The following SPATS2L variants were observed in gnomAD, a reference collection of about 807,000 sequenced individuals.
The protein encoded by SPATS2L is SPATS2-like protein.
SPATS2L carries 30 observed loss-of-function variants against 59.6 expected under a neutral mutation model. The ratio of observed to expected loss-of-function variants is 0.50; its 90% CI spans 0.38 to 0.68. The LOEUF (loss-of-function observed/expected upper bound fraction) is 0.68. Among genes scored for constraint, SPATS2L ranks in the 30% least tolerant of loss-of-function variants. The pLI is 0.00. For synonymous variants in SPATS2L, 252 were observed against 263.5 expected (o/e 0.96, Z 0.42); for missense variants, 615 against 700.0 (o/e 0.88, Z 1.37).
chr2:200,361,913 T>A (rs1019514940), intron 2 of SPATS2L, among the ~76,000 whole-genome samples: 1 of 152,152 alleles, frequency 6.6e-6, no homozygotes, highest in Admixed American at 6.6e-5. Flanking sequence ...TATACATAAG[T>A]CTTTTAGGAT....
chr2:200,462,003 T>C (rs2086272146), intron 9 of SPATS2L, among the ~76,000 whole-genome samples: 2 of 142,928 alleles, frequency 1.4e-5, no homozygotes, highest in Admixed American at 1.5e-4. Context: ...TTAAACAATC[T>C]CTTTGATTGT....
At chr2:200,416,221 A>G (rs1194408914) in intron 4 of SPATS2L, among the ~76,000 whole-genome samples, 158 bp from the exon 5 acceptor site, 1 of 151,884 alleles carries the variant, frequency 6.6e-6, no homozygotes, top group Non-Finnish European at 1.5e-5. Context: ...GAAATAAAAA[A>G]TGAAACTGGC....
intron 6 of SPATS2L, among the ~76,000 whole-genome samples, chr2:200,437,703 G>A (rs931905964): frequency 3.9e-5 from 6 of 152,116 alleles, no homozygotes; most frequent in Admixed American, 6.6e-5. Context: ...TATTCATTCA[G>A]CTCATAGAAA....
At chr2:200,419,559 C>T (rs2083221794) in intron 6 of SPATS2L, 63 bp downstream of exon 6, 1 of 1,564,716 alleles carries the variant, frequency 6.4e-7, no homozygotes. Context: ...AAAGGGAGCT[C>T]ATTGGGGCTG....
At chr2:200,378,157 A>AC in intron 2 of SPATS2L, 1 of 918,058 alleles carries the variant, frequency 1.1e-6, no homozygotes, top group Non-Finnish European at 1.3e-6. Context: ...AAGGCCACCA[A>AC]CCCCCTGCTG....
At chr2:200,314,086 A>G (rs575113180) in intron 1 of SPATS2L, among the ~76,000 whole-genome samples, 7 of 152,308 alleles carry the variant, frequency 4.6e-5, no homozygotes, top group Non-Finnish European at 8.8e-5. Context: ...CCTATATGCC[A>G]TTGATTCCAT....
intron 3 of SPATS2L, among the ~76,000 whole-genome samples, chr2:200,411,705 T>A (rs2082883887): frequency 6.6e-6 from 1 of 151,826 alleles, no homozygotes; most frequent in Non-Finnish European, 1.5e-5. Context: ...CCTTAGTGGA[T>A]ATATGTATTT....
chr2:200,479,572 T>C lies in SPATS2L; in HGVS notation c.*1541T>C. Reference sequence around the variant, plus strand: ...GTACTTCTCAGAAAGGGAAAATGGATACCCAATGGCCCAAACCCAAAATAG... The same window carrying C: ...GTACTTCTCAGAAAGGGAAAATGGACACCCAATGGCCCAAACCCAAAATAG... On this transcript the variant is annotated 3_prime_UTR_variant, in exon 13 of 13. Coordinates refer to ENST00000409140, the MANE Select transcript of SPATS2L (RefSeq NM_001100423.2). 2.5e-6 allele frequency: 1 copy of C among 398,638 alleles called. No individual in the cohort carries two copies. The highest frequency in any genetic ancestry group is 4.4e-6 in the Non-Finnish European group (1 of 226,078). 24.7% of individuals were successfully genotyped at this position (398,638 alleles called of 1,614,324 possible).
At chr2:200,354,127 C>T (rs1032490330) in intron 2 of SPATS2L, among the ~76,000 whole-genome samples, 2 of 152,198 alleles carry the variant, frequency 1.3e-5, no homozygotes, top group African/African-American at 4.8e-5. Flanking sequence ...TTAGCTCAGA[C>T]CCTGTCATTT....
Position 200,439,204 on chromosome 2 carries a change from C to T in SPATS2L, c.528C>T (p.Gly176=). 1 of 1,613,660 alleles carries T rather than the reference C, an allele frequency of 6.2e-7. No individual in the cohort carries two copies. The highest frequency in any genetic ancestry group is 8.5e-7 in the Non-Finnish European group (1 of 1,179,686). ...ATGGAACAACAGAGAGGTCAGATGG[C>T]CTACAGTGGTCAGCTGAGCAGCCTT... The part of the protein sequence containing the change: ...PIHGTTERSD[G]LQWSAEQPCN... Residue 176 remains glycine (G), a synonymous_variant, in exon 7 of 13, where the codon GGC becomes GGT. Coordinates refer to ENST00000409140, the MANE Select transcript of SPATS2L (RefSeq NM_001100423.2).
intron 6 of SPATS2L, among the ~76,000 whole-genome samples, chr2:200,436,966 C>T (rs1226456820): frequency 6.6e-6 from 1 of 152,070 alleles, no homozygotes; most frequent in African/African-American, 2.4e-5. Flanking sequence ...GTGAGATCTG[C>T]TTGTTTAAAA....
In SPATS2L at chr2:200,326,901, ATTT is replaced by A. The variant is rs755351538; in HGVS notation, c.-72-2507_-72-2505del. 3.8e-3 allele frequency among the ~76,000 whole-genome samples: 375 copies of A among 99,076 alleles called. 5 individuals carry two copies. The East Asian group carries it at 0.061, about 16-fold the overall frequency. 65.0% of individuals were successfully genotyped at this position (99,076 alleles called of 152,430 possible). ...AGGCGTGTGCCACCATGCCCGGCTAATTTTTTTTTTTTTTTTTTTTTTTTTAGC... is the reference window on the plus strand; with the variant it reads ...AGGCGTGTGCCACCATGCCCGGCTAATTTTTTTTTTTTTTTTTTTTTTAGC... On this transcript the variant is annotated intron_variant, in intron 1 of 12. Coordinates refer to ENST00000409140, the MANE Select transcript of SPATS2L (RefSeq NM_001100423.2).
chr2:200,422,537 CA>C (rs34573978), intron 6 of SPATS2L, among the ~76,000 whole-genome samples: 64,173 of 132,742 alleles, frequency 0.48, 15,527 homozygotes, highest in Non-Finnish European at 0.54. Flanking sequence ...TAAGACTCCT[CA>C]AAAAAAAAAA....
intron 1 of SPATS2L, among the ~76,000 whole-genome samples, chr2:200,320,350 A>G (rs1410314660): frequency 6.6e-6 from 1 of 152,252 alleles, no homozygotes; most frequent in Non-Finnish European, 1.5e-5. Context: ...TATCTAAGAG[A>G]AAATAATTTT....
intron 2 of SPATS2L, among the ~76,000 whole-genome samples, chr2:200,356,139 G>A (rs1308251067): frequency 2.0e-5 from 3 of 152,200 alleles, no homozygotes; most frequent in Non-Finnish European, 4.4e-5. Context: ...CACGGTAAAT[G>A]GGTATTATGT....
At position 200,329,379 on chromosome 2, in the gene SPATS2L, G is replaced by A. The variant is rs998093419; in HGVS notation, c.-72-52G>A. The A allele has an allele frequency of 1.3e-5, 18 of 1,428,730 alleles. No homozygotes were observed. The East Asian group carries it at 3.2e-4, about 26-fold the overall frequency. The allele number at this position is 1,428,730 out of a possible 1,614,324, so 88.5% of individuals were successfully genotyped here. On this transcript the variant is annotated intron_variant, in intron 1 of 12. Transcript: ENST00000409140. ...TTGAGTGTGATGGGAAATGGGTGGT[G>A]TGGCTACTAATTTGAGACCTGCCTG... is the stretch of plus-strand genomic sequence containing the variant.
intron 2 of SPATS2L, among the ~76,000 whole-genome samples, chr2:200,363,325 C>T (rs146071827): frequency 5.8e-4 from 88 of 151,974 alleles, no homozygotes; most frequent in African/African-American, 1.8e-3. Flanking sequence ...CATACTCTAT[C>T]GGGGACTTGT....
chr2:200,455,070 C>A (rs4672797), intron 8 of SPATS2L, among the ~76,000 whole-genome samples: 137,817 of 152,228 alleles, frequency 0.91, 62,954 homozygotes, highest in Non-Finnish European at 0.97. Flanking sequence ...CTTATGTCTC[C>A]AATGATTAAA....
chr2:200,371,458 C>T lies in SPATS2L; in HGVS notation c.-22-17765C>T, dbSNP rs112936872. Among the ~76,000 whole-genome samples the T allele has an allele frequency of 4.3e-3, 661 of 152,232 alleles. 2 individuals carry two copies. The highest frequency in any genetic ancestry group is 0.015 in the African/African-American group (633 of 41,534). On this transcript the variant is annotated intron_variant, in intron 2 of 12. Transcript: ENST00000409140. ...GGGTTTAGTCACAAGTAGACTTGTA[C>T]AGAAAAAGCTCTTTTAGGATGCATG...
Sources: gnomAD v4.1 joint callset for allele counts (sites outside exome capture counted in the v4.1 genomes callset) on GRCh38, gnomAD v4.1.1 for gene constraint, MANE v1.5 for transcripts, NCBI Gene and HGNC (gene_info 2026-07-23, HGNC 2026-07-21) for gene names.